FAM227B: variants seen among roughly 807,000 people sequenced by gnomAD.
FAM227B encodes protein FAM227B.
In FAM227B, 88 loss-of-function variants were observed where a neutral mutation model predicts 73.8. The ratio of observed to expected loss-of-function variants is 1.19; its 90% CI spans 1.00 to 1.42. The LOEUF (loss-of-function observed/expected upper bound fraction) is 1.42. Ranked by LOEUF, FAM227B falls within the 40% of genes most tolerant of loss-of-function variation. The pLI, the probability that FAM227B is intolerant of heterozygous loss-of-function variation, is 0.00. For synonymous variants in FAM227B, 210 were observed against 190.5 expected (o/e 1.10, Z -0.84); for missense variants, 632 against 590.9 (o/e 1.07, Z -0.72).
At chr15:49,404,838 T>C (rs996580633) in intron 11 of FAM227B, among the ~76,000 whole-genome samples, 12 of 152,170 alleles carry the variant, frequency 7.9e-5, no homozygotes, top group Non-Finnish European at 1.6e-4. Flanking sequence ...CGCTTGTTTA[T>C]GTGGTTGTTT....
At chr15:49,454,389 T>A (rs1463242527) in intron 11 of FAM227B, among the ~76,000 whole-genome samples, 1 of 152,098 alleles carries the variant, frequency 6.6e-6, no homozygotes, top group Non-Finnish European at 1.5e-5. Flanking sequence ...TCATCCTAGG[T>A]AAAAATCCTG....
chr15:49,570,762 A>G (rs574377557), intron 8 of FAM227B, among the ~76,000 whole-genome samples: 2 of 150,116 alleles, frequency 1.3e-5, no homozygotes, highest in Admixed American at 6.7e-5. Flanking sequence ...CAAAACATCC[A>G]GTTCCATCTA....
intron 9 of FAM227B, among the ~76,000 whole-genome samples, chr15:49,553,718 T>G (rs1422726084): frequency 6.6e-6 from 1 of 152,162 alleles, no homozygotes; most frequent in Admixed American, 6.5e-5. Flanking sequence ...TATCAGCCAA[T>G]GTTCCCTTAA....
chr15:49,519,142 A>C (rs1346383297), intron 10 of FAM227B, among the ~76,000 whole-genome samples: 2 of 152,258 alleles, frequency 1.3e-5, no homozygotes, highest in African/African-American at 4.8e-5. Flanking sequence ...CATGTCTCAC[A>C]TCTACATCAT....
chr15:49,354,347 A>C (rs1445658522), intron 13 of FAM227B, among the ~76,000 whole-genome samples: 1 of 152,188 alleles, frequency 6.6e-6, no homozygotes, highest in African/African-American at 2.4e-5. Flanking sequence ...GGTTCATCTC[A>C]CTAGGGAGTG....
chr15:49,599,650 T>C (rs2077072883), intron 3 of FAM227B, among the ~76,000 whole-genome samples: 1 of 152,168 alleles, frequency 6.6e-6, no homozygotes, highest in African/African-American at 2.4e-5. Context: ...TATCTCAAGA[T>C]AATTTGATTT....
At chr15:49,421,014 C>A (rs977091339) in intron 11 of FAM227B, among the ~76,000 whole-genome samples, 1 of 152,102 alleles carries the variant, frequency 6.6e-6, no homozygotes, top group Admixed American at 6.6e-5. Flanking sequence ...CCAGTTAATT[C>A]TTTGAAGCCA....
intron 11 of FAM227B, among the ~76,000 whole-genome samples, chr15:49,460,333 C>T (rs376112386): frequency 6.6e-6 from 1 of 152,092 alleles, no homozygotes; most frequent in East Asian, 1.9e-4. Context: ...AACATATAGC[C>T]ATGCTTATGG....
chr15:49,563,491 T>C (rs1398849916), intron 9 of FAM227B, among the ~76,000 whole-genome samples: 8 of 152,110 alleles, frequency 5.3e-5, no homozygotes, highest in African/African-American at 1.9e-4. Context: ...GAAAAATCTA[T>C]TCTAAAATTC....
At chr15:49,454,817 G>A (rs1173512671) in intron 11 of FAM227B, among the ~76,000 whole-genome samples, 2 of 152,064 alleles carry the variant, frequency 1.3e-5, no homozygotes, top group Non-Finnish European at 2.9e-5. Flanking sequence ...CACTGTGTTA[G>A]CCAGGATGGT....
intron 13 of FAM227B, 21 bp downstream of exon 13, chr15:49,367,427 G>C: frequency 6.6e-7 from 1 of 1,520,192 alleles, no homozygotes; most frequent in Non-Finnish European, 8.8e-7. Flanking sequence ...TTATATTAAA[G>C]CAAAGCTTTA....
intron 11 of FAM227B, among the ~76,000 whole-genome samples, chr15:49,479,893 C>T (rs71467687): frequency 6.6e-6 from 1 of 152,098 alleles, no homozygotes; most frequent in Admixed American, 6.5e-5. Flanking sequence ...GGATTACAGG[C>T]GTGAGCCACT....
chr15:49,385,829 C>T (rs572923646), intron 11 of FAM227B, among the ~76,000 whole-genome samples: 11 of 151,528 alleles, frequency 7.3e-5, no homozygotes, highest in Admixed American at 2.6e-4. Flanking sequence ...AAATGGAAAC[C>T]AAAAGTGAGC....
chr15:49,490,065 G>A (rs2056951776), intron 11 of FAM227B, among the ~76,000 whole-genome samples: 1 of 150,192 alleles, frequency 6.7e-6, no homozygotes, highest in Non-Finnish European at 1.5e-5. Context: ...AACTAATTAG[G>A]TAAATGAAAA....
chr15:49,411,292 C>T (rs953425625), intron 11 of FAM227B, among the ~76,000 whole-genome samples: 6 of 151,876 alleles, frequency 4.0e-5, no homozygotes, highest in African/African-American at 7.3e-5. Flanking sequence ...AAATTAAGTA[C>T]TAACGAGATG....
intron 11 of FAM227B, among the ~76,000 whole-genome samples, chr15:49,419,234 T>C (rs916284901): frequency 1.3e-5 from 2 of 152,194 alleles, no homozygotes; most frequent in Non-Finnish European, 2.9e-5. Context: ...TGTGTACAGA[T>C]AAATATACAA....
At chr15:49,446,620 G>A (rs2052243564) in intron 11 of FAM227B, among the ~76,000 whole-genome samples, 1 of 151,408 alleles carries the variant, frequency 6.6e-6, no homozygotes, top group South Asian at 2.1e-4. Context: ...AGAACAAAAT[G>A]TGAAAAAAAG....
At chr15:49,347,285 A>T (rs563381957) in intron 13 of FAM227B, among the ~76,000 whole-genome samples, 7 of 152,346 alleles carry the variant, frequency 4.6e-5, no homozygotes, top group African/African-American at 1.4e-4. Context: ...AATTAGTAAG[A>T]ATAAGAAGTG....
intron 11 of FAM227B, among the ~76,000 whole-genome samples, chr15:49,476,231 G>GA (rs1567351795): frequency 3.4e-5 from 1 of 29,116 alleles, no homozygotes; most frequent in African/African-American, 1.1e-4. Flanking sequence ...TTTTGTTTTT[G>GA]GTTTTTTTTT....
Sources: gnomAD v4.1 joint callset for allele counts (sites outside exome capture counted in the v4.1 genomes callset) on GRCh38, gnomAD v4.1.1 for gene constraint, MANE v1.5 for transcripts, NCBI Gene and HGNC (gene_info 2026-07-23, HGNC 2026-07-21) for gene names.